Variants in CDA observed in about 807,000 individuals in gnomAD.
The protein encoded by CDA is cytidine deaminase.
CDA carries 7 observed loss-of-function variants against 15.0 expected under a neutral mutation model. That is an observed-to-expected ratio of 0.47 (90% CI 0.26 to 0.87). CDA has a LOEUF of 0.87. Among genes scored for constraint, CDA ranks in the 40% least tolerant of loss-of-function variants. CDA has a pLI of 0.15. For missense variants in CDA, 159 were observed against 182.7 expected (o/e 0.87, Z 0.75); for synonymous variants, 58 against 73.0 (o/e 0.79, Z 1.05).
rs1445609675 is a variant in CDA at position 20,610,668 on chromosome 1, A to T, written c.267-3174A>T. Among the ~76,000 whole-genome samples the T allele has an allele frequency of 2.6e-5, 4 of 152,172 alleles. No individual in the cohort carries two copies. The East Asian group carries it at 5.8e-4, about 22-fold the overall frequency. On this transcript the variant is annotated intron_variant, in intron 2 of 3. Coordinates refer to ENST00000375071, the MANE Select transcript of CDA (RefSeq NM_001785.3). ...ACATAAATCACATAGCATATAATAAAACTGTGTATGATAAAGTACTAAAAT... is the reference window on the plus strand; with the variant it reads ...ACATAAATCACATAGCATATAATAATACTGTGTATGATAAAGTACTAAAAT...
Position 20,613,992 on chromosome 1 carries a change from A to G in CDA, c.324+93A>G, listed in dbSNP as rs917051548. ...AAGTTGCAGGCATGGCAGGCATGGC[A>G]GGCGTGGAGACACAGCTACTGTCCT... is the stretch of plus-strand genomic sequence containing the variant. On this transcript the variant is annotated intron_variant, in intron 3 of 3. Transcript: ENST00000375071. 11 of 1,158,910 alleles carry G rather than the reference A, an allele frequency of 9.5e-6. No homozygotes were observed. The African/African-American group carries it at 1.5e-4, about 16-fold the overall frequency. 71.8% of individuals were successfully genotyped at this position (1,158,910 alleles called of 1,614,324 possible).
At chr1:20,592,280 G>A (rs1312524405) in intron 1 of CDA, among the ~76,000 whole-genome samples, 2 of 152,172 alleles carry the variant, frequency 1.3e-5, no homozygotes, top group African/African-American at 4.8e-5. Context: ...TGCCTGCGCT[G>A]AGTATGTAGA....
chr1:20,606,406 G>T (rs1168202998), intron 2 of CDA, among the ~76,000 whole-genome samples: 1 of 151,988 alleles, frequency 6.6e-6, no homozygotes, highest in Non-Finnish European at 1.5e-5. Flanking sequence ...CCATTTTATA[G>T]CTGATGAAAT....
At chr1:20,591,311 A>T (rs1351713567) in intron 1 of CDA, among the ~76,000 whole-genome samples, 1 of 152,100 alleles carries the variant, frequency 6.6e-6, no homozygotes, top group Non-Finnish European at 1.5e-5. Flanking sequence ...ACTGCACTCC[A>T]GCCTGGGCGA....
chr1:20,600,987 C>T (rs553400608), intron 1 of CDA, among the ~76,000 whole-genome samples: 1 of 152,150 alleles, frequency 6.6e-6, no homozygotes, highest in Admixed American at 6.5e-5. Flanking sequence ...TACCCTGCCC[C>T]ATATTCCAAC....
intron 1 of CDA, among the ~76,000 whole-genome samples, chr1:20,604,648 C>T (rs1347982521): frequency 2.0e-5 from 3 of 152,118 alleles, no homozygotes; most frequent in African/African-American, 7.2e-5. Flanking sequence ...ATGGAGCTGC[C>T]TAATCTGCCT....
chr1:20,600,595 A>G (rs1361494430), intron 1 of CDA, among the ~76,000 whole-genome samples: 2 of 152,072 alleles, frequency 1.3e-5, no homozygotes, highest in Non-Finnish European at 2.9e-5. Context: ...ATCTTCACTA[A>G]AAATTAAAAA....
chr1:20,615,435 C>T (rs1179195986), intron 3 of CDA, among the ~76,000 whole-genome samples: 1 of 137,700 alleles, frequency 7.3e-6, no homozygotes, highest in Non-Finnish European at 1.5e-5. Flanking sequence ...GAGTTCGAGA[C>T]CTGCCTGGGC....
At chr1:20,595,656 A>G (rs1052428458) in intron 1 of CDA, among the ~76,000 whole-genome samples, 1 of 152,196 alleles carries the variant, frequency 6.6e-6, no homozygotes, top group South Asian at 2.1e-4. Context: ...CCTAGGCAAC[A>G]GGGTGAAACC....
chr1:20,618,456 G>T lies in CDA; in HGVS notation c.329G>T (p.Gly110Val). The change falls in exon 4 of 4, where the codon GGC (glycine) becomes GTC (valine). Residue 110 changes from glycine (G) to valine (V), a missense_variant. Gly to Val is a moderately radical substitution (Grantham distance 109). Coordinates refer to ENST00000375071, the MANE Select transcript of CDA (RefSeq NM_001785.3). ...GACRQVMREFGTNWPVYMTKP... is the reference protein window; with the variant it reads ...GACRQVMREFVTNWPVYMTKP... ...CCAGCTTTGCCTCTTTTCCAGTTTG[G>T]CACCAACTGGCCCGTGTACATGACC... The T allele has an allele frequency of 6.2e-7, 1 of 1,603,582 alleles. No individual in the cohort carries two copies. Among genetic ancestry groups the T allele is most frequent in the Non-Finnish European group, 8.5e-7 (1 of 1,171,514 alleles).
At chr1:20,598,124 TATA>T (rs1230600313) in intron 1 of CDA, among the ~76,000 whole-genome samples, 1 of 152,324 alleles carries the variant, frequency 6.6e-6, no homozygotes, top group African/African-American at 2.4e-5. Context: ...ATTTATTATT[TATA>T]TACACTTTTA....
chr1:20,600,301 G>A (rs999718096), intron 1 of CDA, among the ~76,000 whole-genome samples: 4 of 152,262 alleles, frequency 2.6e-5, no homozygotes, highest in South Asian at 2.1e-4. Context: ...GTCAGGGATC[G>A]GGCAGGGAAG....
At chr1:20,597,486 A>G (rs2052601617) in intron 1 of CDA, among the ~76,000 whole-genome samples, 2 of 152,306 alleles carry the variant, frequency 1.3e-5, no homozygotes, top group African/African-American at 4.8e-5. Context: ...GCCAGGATGC[A>G]TGTTTTGGCC....
intron 1 of CDA, among the ~76,000 whole-genome samples, chr1:20,592,780 C>T (rs911668505): frequency 2.0e-5 from 3 of 152,172 alleles, no homozygotes; most frequent in Admixed American, 6.6e-5. Context: ...ACACATGGAC[C>T]GGGCCTGGCA....
At chr1:20,612,382 G>A (rs1437953622) in intron 2 of CDA, among the ~76,000 whole-genome samples, 2 of 151,874 alleles carry the variant, frequency 1.3e-5, no homozygotes, top group East Asian at 3.9e-4. Flanking sequence ...AACCACAAGA[G>A]ATGACATTCC....
At chr1:20,616,736 C>A (rs188061891) in intron 3 of CDA, among the ~76,000 whole-genome samples, 1 of 152,274 alleles carries the variant, frequency 6.6e-6, no homozygotes, top group East Asian at 1.9e-4. Flanking sequence ...AGAGATGAGG[C>A]GTTGGGGCCA....
At chr1:20,598,381 A>G (rs1470027733) in intron 1 of CDA, among the ~76,000 whole-genome samples, 1 of 152,206 alleles carries the variant, frequency 6.6e-6, no homozygotes, top group East Asian at 1.9e-4. Context: ...CTCACTAGAC[A>G]CCAACTTGCC....
chr1:20,592,243 C>T (rs1026194006), intron 1 of CDA, among the ~76,000 whole-genome samples: 1 of 152,052 alleles, frequency 6.6e-6, no homozygotes, highest in African/African-American at 2.4e-5. Context: ...CACGGCATGG[C>T]AGGCAGCATT....
intron 2 of CDA, among the ~76,000 whole-genome samples, chr1:20,611,836 C>A (rs2052755570): frequency 6.6e-6 from 1 of 152,058 alleles, no homozygotes; most frequent in African/African-American, 2.4e-5. Context: ...TTCTTTCATG[C>A]CTCAGGGCCT....
Sources: gnomAD v4.1 joint callset for allele counts (sites outside exome capture counted in the v4.1 genomes callset) on GRCh38, gnomAD v4.1.1 for gene constraint, MANE v1.5 for transcripts, NCBI Gene and HGNC (gene_info 2026-07-23, HGNC 2026-07-21) for gene names.